ANKRD33B: variants seen among roughly 807,000 people sequenced by gnomAD.
ANKRD33B encodes the protein ankyrin repeat domain-containing protein 33B.
ANKRD33B carries 6 observed loss-of-function variants against 21.5 expected under a neutral mutation model. The ratio of observed to expected loss-of-function variants is 0.28; its 90% CI spans 0.15 to 0.55. ANKRD33B has a LOEUF of 0.55. Among genes scored for constraint, ANKRD33B ranks in the 20% least tolerant of loss-of-function variants. The pLI is 0.94. For synonymous variants in ANKRD33B, 347 were observed against 342.4 expected, an observed-to-expected ratio of 1.01 and a Z score of -0.15; for missense variants, 698 against 747.2, an observed-to-expected ratio of 0.93 and a Z score of 0.77.
At position 10,638,195 on chromosome 5, in the gene ANKRD33B, C is replaced by T. The variant is rs1297375922; in HGVS notation, c.637+27C>T. ...TATGTCCACCTGTCCTGTGCAGCTT[C>T]CAGGGGCCCTGGGACACCAGAGTTG... On this transcript the variant is annotated intron_variant, in intron 3 of 3. Coordinates refer to ENST00000296657, the MANE Select transcript of ANKRD33B (RefSeq NM_001164440.2). The T allele has an allele frequency of 2.0e-6, 3 of 1,534,522 alleles. No individual in the cohort carries two copies. In the South Asian group the frequency reaches 3.6e-5, roughly 18 times the overall value.
chr5:10,649,714 G>C lies in ANKRD33B; in HGVS notation c.1086G>C (p.Val362=). Residue 362 remains valine (V), a synonymous_variant, in exon 4 of 4, where the codon GTG becomes GTC. Coordinates refer to ENST00000296657, the MANE Select transcript of ANKRD33B (RefSeq NM_001164440.2). ...CCCAGGCGCAGGAGGAGGATGAGGT[G>C]GGGGGCGCGGGGCAGCGCGGGCGGA... is the stretch of plus-strand genomic sequence containing the variant. The part of the protein sequence containing the change: ...RGPQAQEEDE[V]GGAGQRGRTG... 3 of 1,508,158 alleles carry C rather than the reference G, an allele frequency of 2.0e-6. No homozygotes were observed. The highest frequency in any genetic ancestry group is 2.6e-6 in the Non-Finnish European group (3 of 1,132,092). 93.4% of individuals were successfully genotyped at this position (1,508,158 alleles called of 1,614,324 possible).
chr5:10,620,299 C>A (rs1365016891), intron 2 of ANKRD33B, among the ~76,000 whole-genome samples: 1 of 151,944 alleles, frequency 6.6e-6, no homozygotes, highest in Non-Finnish European at 1.5e-5. Flanking sequence ...GGGGATAACA[C>A]CAACTGCAAA....
Position 10,650,193 on chromosome 5 carries a change from C to G in ANKRD33B, c.*80C>G. On this transcript the variant is annotated 3_prime_UTR_variant, in exon 4 of 4. Transcript: ENST00000296657. ...GCTGGGCGCGGAGAAGGAGGCGGCC[C>G]CGTTGCGCATCGCACCACTTCCGCT... 7 of 1,361,614 alleles carry G rather than the reference C, an allele frequency of 5.1e-6. No individual in the cohort carries two copies. Among genetic ancestry groups the G allele is most frequent in the Non-Finnish European group, 6.7e-6 (7 of 1,051,548 alleles). 84.3% of individuals were successfully genotyped at this position (1,361,614 alleles called of 1,614,324 possible). A position where few individuals can be genotyped will look rare whatever the true frequency, so the allele number is the denominator to read the frequency against.
chr5:10,654,534 C>G lies in ANKRD33B; in HGVS notation c.*4421C>G, dbSNP rs1201794920. The G allele has an allele frequency of 6.6e-6, 1 of 152,408 alleles. No homozygotes were observed. The highest frequency in any genetic ancestry group is 1.5e-5 in the Non-Finnish European group (1 of 68,064). 9.4% of individuals were successfully genotyped at this position (152,408 alleles called of 1,614,324 possible). ...ACAATGTCGATGCTGCTGATGACAA[C>G]TGAGATGCCTGGAGCTCACCCTTGA... On this transcript the variant is annotated 3_prime_UTR_variant, in exon 4 of 4. Coordinates refer to ENST00000296657, the MANE Select transcript of ANKRD33B (RefSeq NM_001164440.2).
intron 1 of ANKRD33B, among the ~76,000 whole-genome samples, chr5:10,608,698 A>G (rs917659432): frequency 2.6e-5 from 4 of 152,170 alleles, no homozygotes; most frequent in Non-Finnish European, 5.9e-5. Flanking sequence ...GAAATTAAAT[A>G]CAGAGGAATA....
intron 3 of ANKRD33B, among the ~76,000 whole-genome samples, chr5:10,641,956 A>C (rs988168837): frequency 6.6e-6 from 1 of 152,186 alleles, no homozygotes; most frequent in Non-Finnish European, 1.5e-5. Context: ...ATTAAATGGT[A>C]ATTATGTGAT....
chr5:10,577,019 G>C (rs1490139109), intron 1 of ANKRD33B, among the ~76,000 whole-genome samples: 1 of 152,130 alleles, frequency 6.6e-6, no homozygotes, highest in Non-Finnish European at 1.5e-5. Flanking sequence ...TTCAAGAAGG[G>C]GGAGGAAGCT....
chr5:10,624,960 C>T, intron 2 of ANKRD33B: 1 of 357,082 alleles, frequency 2.8e-6, no homozygotes, highest in Non-Finnish European at 5.5e-6. Context: ...CCAGGGACCC[C>T]ACATTGAGGA....
At chr5:10,564,915 C>A (rs1103749) in intron 1 of ANKRD33B, 82 bp downstream of exon 1, 1 of 1,427,986 alleles carries the variant, frequency 7.0e-7, no homozygotes, top group South Asian at 1.4e-5. Context: ...CGCCTCCCAG[C>A]TCCTGGCTCC....
At chr5:10,578,945 C>T (rs1478447242) in intron 1 of ANKRD33B, among the ~76,000 whole-genome samples, 1 of 152,146 alleles carries the variant, frequency 6.6e-6, no homozygotes, top group African/African-American at 2.4e-5. Flanking sequence ...GGGTGGATTG[C>T]CTGAGCCCAG....
intron 1 of ANKRD33B, among the ~76,000 whole-genome samples, chr5:10,606,083 G>A (rs1009190425): frequency 3.3e-5 from 5 of 152,182 alleles, no homozygotes; most frequent in African/African-American, 1.2e-4. Context: ...AAAATTAGAT[G>A]AGCCTCTGAG....
chr5:10,592,626 A>G (rs1324307146), intron 1 of ANKRD33B, among the ~76,000 whole-genome samples: 2 of 147,852 alleles, frequency 1.4e-5, no homozygotes, highest in African/African-American at 2.5e-5. Flanking sequence ...GACTCTGTCA[A>G]AAAAAAAAAA....
chr5:10,605,012 G>A (rs1208783852), intron 1 of ANKRD33B, among the ~76,000 whole-genome samples: 1 of 152,246 alleles, frequency 6.6e-6, no homozygotes, highest in Non-Finnish European at 1.5e-5. Context: ...GGCTGTGGCT[G>A]TAGTTGTCTG....
chr5:10,584,831 A>T (rs1167238771), intron 1 of ANKRD33B, among the ~76,000 whole-genome samples: 3 of 152,144 alleles, frequency 2.0e-5, no homozygotes, highest in Non-Finnish European at 4.4e-5. Flanking sequence ...AGGAGATGGG[A>T]TAAGGTAGGC....
chr5:10,564,840 G>A lies in ANKRD33B; in HGVS notation c.366+7G>A, dbSNP rs1368178439. 2.0e-6 allele frequency: 3 copies of A among 1,489,572 alleles called. No homozygotes were observed. Among genetic ancestry groups the A allele is most frequent in the East Asian group, 2.5e-5 (1 of 40,214 alleles). 92.3% of individuals were successfully genotyped at this position (1,489,572 alleles called of 1,614,324 possible). ...GACTGACCGCAACGGCAGGGTAAGCGGGCGTCCCCGCAGGATTTGAGCCCC... is the reference window on the plus strand; with the variant it reads ...GACTGACCGCAACGGCAGGGTAAGCAGGCGTCCCCGCAGGATTTGAGCCCC... On this transcript the variant is annotated splice_region_variant and intron_variant, in intron 1 of 3. Transcript: ENST00000296657.
At chr5:10,609,155 C>G (rs1233986030) in intron 1 of ANKRD33B, among the ~76,000 whole-genome samples, 1 of 152,158 alleles carries the variant, frequency 6.6e-6, no homozygotes, top group Non-Finnish European at 1.5e-5. Context: ...TAAAATTTTT[C>G]TATTGATTAC....
At chr5:10,584,045 A>G (rs888081218) in intron 1 of ANKRD33B, among the ~76,000 whole-genome samples, 1 of 152,200 alleles carries the variant, frequency 6.6e-6, no homozygotes, top group Non-Finnish European at 1.5e-5. Flanking sequence ...AGCCTAGAAG[A>G]CGAGTGGTGG....
Position 10,580,515 on chromosome 5 carries a change from C to G in ANKRD33B, c.366+15682C>G, listed in dbSNP as rs1257284685. Reference sequence around the variant, plus strand: ...TCTTGTCCCCCACCCCCAGCCCCACCCTGCCACCCTTCAGGTTTTCTCTAC... The same window carrying G: ...TCTTGTCCCCCACCCCCAGCCCCACGCTGCCACCCTTCAGGTTTTCTCTAC... On this transcript the variant is annotated intron_variant, in intron 1 of 3. Coordinates refer to ENST00000296657, the MANE Select transcript of ANKRD33B (RefSeq NM_001164440.2). Among the ~76,000 whole-genome samples, 10 of 152,328 alleles carry G rather than the reference C, an allele frequency of 6.6e-5. No individual in the cohort carries two copies. In the South Asian group the frequency reaches 1.7e-3, roughly 25 times the overall value.
chr5:10,638,220 G>T, intron 3 of ANKRD33B, 52 bp downstream of exon 3: 2 of 1,518,994 alleles, frequency 1.3e-6, no homozygotes, highest in Non-Finnish European at 1.8e-6. Flanking sequence ...CACCAGAGTT[G>T]CTCCTTTATG....
Sources: gnomAD v4.1 joint callset for allele counts (sites outside exome capture counted in the v4.1 genomes callset) on GRCh38, gnomAD v4.1.1 for gene constraint, MANE v1.5 for transcripts, NCBI Gene and HGNC (gene_info 2026-07-23, HGNC 2026-07-21) for gene names.